MYO16: variants seen among roughly 807,000 people sequenced by gnomAD.
The protein encoded by MYO16 is unconventional myosin-XVI.
In MYO16, 94 loss-of-function variants were observed where a neutral mutation model predicts 205.3. The ratio of observed to expected loss-of-function variants is 0.46; its 90% CI spans 0.39 to 0.54. MYO16 has a LOEUF of 0.54. MYO16 is among the 20% of genes least tolerant of loss of function. The pLI, the probability that MYO16 is intolerant of heterozygous loss-of-function variation, is 0.00. For synonymous variants in MYO16, 988 were observed against 954.0 expected, an observed-to-expected ratio of 1.04 and a Z score of -0.66; for missense variants, 2,315 against 2,387.5, an observed-to-expected ratio of 0.97 and a Z score of 0.63.
chr13:109,033,197 A>G (rs1180443350), intron 23 of MYO16, among the ~76,000 whole-genome samples: 1 of 152,120 alleles, frequency 6.6e-6, no homozygotes, highest in Non-Finnish European at 1.5e-5. Context: ...CCCTTTGCCC[A>G]GGGCTCCGTT....
intron 2 of MYO16, among the ~76,000 whole-genome samples, chr13:108,675,315 T>C (rs915073930): frequency 2.0e-5 from 3 of 152,186 alleles, no homozygotes; most frequent in African/African-American, 7.2e-5. Context: ...CATAGATACA[T>C]TCAGTGCATT....
chr13:109,013,123 C>T (rs1386824391), intron 22 of MYO16, among the ~76,000 whole-genome samples: 1 of 119,222 alleles, frequency 8.4e-6, no homozygotes, highest in Non-Finnish European at 1.8e-5. Flanking sequence ...CACCCCCCCC[C>T]ACCCCACCAC....
intron 14 of MYO16, among the ~76,000 whole-genome samples, chr13:108,889,684 CATG>C (rs55726530): frequency 0.12 from 17,848 of 152,176 alleles, 1,405 homozygotes; most frequent in Non-Finnish European, 0.17. Flanking sequence ...CCTGGAAGTT[CATG>C]ATGATTTTCC....
rs1188661445 is a variant in MYO16, at chr13:109,127,497, C to T, written c.3998C>T (p.Ser1333Phe). The change falls in exon 31 of 35, where the codon TCC becomes TTC. Residue 1333 changes from serine to phenylalanine, a missense_variant. Ser to Phe is a radical substitution (Grantham distance 155, BLOSUM62 -2). This residue lies in a region of MYO16 where 1,097 missense variants were observed against 1,092.0 expected (regional missense o/e 1.00). Transcript: ENST00000457511. The surrounding 1 kb of genome is among the most constrained non-coding windows in gnomAD (Gnocchi z 4.2). Reference protein sequence around the residue: ...KRDPNTRLSASYEAVSACLSA... With the variant: ...KRDPNTRLSAFYEAVSACLSA... ...GACCCCAACACCCGGCTGAGTGCTT[C>T]CTATGAGGCTGTGAGCGCCTGCCTC... 10 of 1,613,436 alleles carry T rather than the reference C, an allele frequency of 6.2e-6. No individual in the cohort carries two copies. Among genetic ancestry groups the T allele is most frequent in the Non-Finnish European group, 8.5e-6 (10 of 1,179,974 alleles).
chr13:108,842,677 C>T (rs1186228129), intron 9 of MYO16, among the ~76,000 whole-genome samples: 1 of 151,990 alleles, frequency 6.6e-6, no homozygotes, highest in Non-Finnish European at 1.5e-5. Context: ...GGTATAGTTG[C>T]TACGGAAACA....
chr13:108,891,806 A>G (rs1880188059), intron 14 of MYO16, among the ~76,000 whole-genome samples: 1 of 152,220 alleles, frequency 6.6e-6, no homozygotes, highest in African/African-American at 2.4e-5. Context: ...AATGCCATCT[A>G]AAGGTTCAAA....
chr13:108,736,336 G>A (rs1884698131), intron 4 of MYO16, among the ~76,000 whole-genome samples: 1 of 152,104 alleles, frequency 6.6e-6, no homozygotes, highest in Admixed American at 6.6e-5. Flanking sequence ...GTGTAAGAAG[G>A]GATCCAGTTT....
At chr13:108,502,247 G>A in the MYO16 span, among the ~76,000 whole-genome samples, 1 of 151,868 alleles carries the variant, frequency 6.6e-6, no homozygotes, top group East Asian at 1.9e-4. Context: ...AAAATAAATT[G>A]TAGATTTATT....
At chr13:108,988,314 A>T (rs1183002295) in intron 20 of MYO16, among the ~76,000 whole-genome samples, 1 of 152,186 alleles carries the variant, frequency 6.6e-6, no homozygotes, top group Non-Finnish European at 1.5e-5. Context: ...ACAGACGCAT[A>T]TTTCAGTCAT....
intron 20 of MYO16, among the ~76,000 whole-genome samples, chr13:108,986,080 A>C (rs1264517111): frequency 6.6e-6 from 1 of 152,120 alleles, no homozygotes; most frequent in African/African-American, 2.4e-5. Context: ...AAAAGGAACC[A>C]CCTTTTATAA....
chr13:109,144,366 G>A (rs72656280), intron 32 of MYO16, among the ~76,000 whole-genome samples: 3,792 of 152,216 alleles, frequency 0.025, 64 homozygotes, highest in Non-Finnish European at 0.041. Flanking sequence ...TTACAAGTTC[G>A]GATATCATGT....
chr13:109,021,070 G>T (rs1886007808), intron 23 of MYO16, among the ~76,000 whole-genome samples: 1 of 152,152 alleles, frequency 6.6e-6, no homozygotes, highest in African/African-American at 2.4e-5. Flanking sequence ...CTTCAAAGGT[G>T]ATTGAGAGCT....
chr13:108,909,932 A>AACAC, intron 15 of MYO16, 71 bp from the exon 16 acceptor site: 1 of 1,433,734 alleles, frequency 7.0e-7, no homozygotes, highest in Non-Finnish European at 9.6e-7. Context: ...GTAATTAATT[A>AACAC]ATATGTGTTA....
At chr13:108,690,954 A>G (rs1200666557) in intron 2 of MYO16, among the ~76,000 whole-genome samples, 1 of 152,194 alleles carries the variant, frequency 6.6e-6, no homozygotes, top group Admixed American at 6.5e-5. Context: ...ACTGTGATGT[A>G]ACTAAGCTTC....
intron 2 of MYO16, among the ~76,000 whole-genome samples, chr13:108,692,471 A>G (rs981713876): frequency 2.0e-5 from 3 of 152,278 alleles, no homozygotes; most frequent in African/African-American, 7.2e-5. Flanking sequence ...CTCTCCTGTG[A>G]AGGCCTAACT....
At position 108,869,628 on chromosome 13, in the gene MYO16, G is replaced by A. The variant is rs1039748555; in HGVS notation, c.1425+3386G>A. ...CGTCTGTAGTCCCAGCTACTCGGGA[G>A]GCTGAGGCAGCAGAATGGCGTGAAC... On this transcript the variant is annotated intron_variant, in intron 12 of 34. Coordinates refer to ENST00000457511, the MANE Select transcript of MYO16 (RefSeq NM_001198950.3). 1.5e-3 allele frequency among the ~76,000 whole-genome samples: 225 copies of A among 149,650 alleles called. 1 individual carries two copies. The highest frequency in any genetic ancestry group is 5.3e-3 in the African/African-American group (218 of 40,752).
rs7321505 is a variant in MYO16 at position 108,674,883 on chromosome 13, A to G, written c.292+8734A>G. Among the ~76,000 whole-genome samples, 682 of 152,230 alleles carry G rather than the reference A, an allele frequency of 4.5e-3. 7 individuals are homozygous for G. The highest frequency in any genetic ancestry group is 0.016 in the African/African-American group (648 of 41,484). The stretch of plus-strand genomic sequence containing the variant: ...TATAAAATATCAGCCTGTCCTAAGG[A>G]AGAAATGGGGAGGCAACATTCCCAG... On this transcript the variant is annotated intron_variant, in intron 2 of 34. Transcript: ENST00000457511.
chr13:108,801,769 A>G (rs1489071135), intron 6 of MYO16, among the ~76,000 whole-genome samples: 2 of 152,172 alleles, frequency 1.3e-5, no homozygotes, highest in South Asian at 2.1e-4. Flanking sequence ...AGAGTGCCAC[A>G]TTATAAGATA....
At chr13:108,656,227 C>T (rs1566532014) in intron 1 of MYO16, among the ~76,000 whole-genome samples, 1 of 152,026 alleles carries the variant, frequency 6.6e-6, no homozygotes, top group African/African-American at 2.4e-5. Context: ...AGCAGTTTCC[C>T]CCATACTACT....
Sources: gnomAD v4.1 joint callset for allele counts (sites outside exome capture counted in the v4.1 genomes callset) on GRCh38, gnomAD v4.1.1 for gene constraint, gnomAD v4.1.1 regional missense constraint, Gnocchi (gnomAD v3.1) non-coding constraint, MANE v1.5 for transcripts, NCBI Gene and HGNC (gene_info 2026-07-23, HGNC 2026-07-21) for gene names.